CHRM2: variants seen among roughly 807,000 people sequenced by gnomAD.
CHRM2 encodes the protein cholinergic receptor muscarinic 2.
In CHRM2, 8 loss-of-function variants were observed where a neutral mutation model predicts 25.0. That is an observed-to-expected ratio of 0.32 (90% CI 0.19 to 0.58). The LOEUF is 0.58. CHRM2 is among the 20% of genes least tolerant of loss of function. The probability of loss-of-function intolerance (pLI) is 0.88; values close to 1 mark genes in which losing one functional copy is unlikely to be tolerated. For synonymous variants in CHRM2, 202 were observed against 205.7 expected, an observed-to-expected ratio of 0.98 and a Z score of 0.15; for missense variants, 440 against 567.1, an observed-to-expected ratio of 0.78 and a Z score of 2.28.
intron 3 of CHRM2, among the ~76,000 whole-genome samples, chr7:137,002,879 T>TTA (rs1293540471): frequency 2.0e-5 from 3 of 152,154 alleles, no homozygotes; most frequent in African/African-American, 7.2e-5. Flanking sequence ...TAGTGACTGC[T>TTA]TAACAGTCAC....
chr7:136,933,927 A>G (rs554699182), intron 2 of CHRM2, among the ~76,000 whole-genome samples: 1 of 152,296 alleles, frequency 6.6e-6, no homozygotes, highest in East Asian at 1.9e-4. Context: ...AATTGCAAGT[A>G]ACGGCTAATG....
intron 2 of CHRM2, among the ~76,000 whole-genome samples, chr7:136,978,246 A>G (rs1802239181): frequency 6.6e-6 from 1 of 152,212 alleles, no homozygotes; most frequent in Non-Finnish European, 1.5e-5. Context: ...TTTAAAAAGA[A>G]TTATTGGAAT....
At chr7:136,913,933 T>C (rs374502353) in intron 2 of CHRM2, among the ~76,000 whole-genome samples, 3 of 152,112 alleles carry the variant, frequency 2.0e-5, no homozygotes, top group African/African-American at 7.2e-5. Flanking sequence ...TGACAGTACA[T>C]TGTGCCAAGA....
intron 3 of CHRM2, among the ~76,000 whole-genome samples, chr7:137,001,523 A>T (rs1034203802): frequency 1.3e-5 from 2 of 152,152 alleles, no homozygotes; most frequent in Admixed American, 6.5e-5. Context: ...TCCTTGGAAC[A>T]TTTGAGCTAA....
At chr7:137,012,226 G>A (rs972143283) in intron 3 of CHRM2, among the ~76,000 whole-genome samples, 2 of 151,994 alleles carry the variant, frequency 1.3e-5, no homozygotes. Context: ...CAGAGAAAAT[G>A]CTGCTTATAA....
intron 2 of CHRM2, among the ~76,000 whole-genome samples, chr7:136,942,374 C>G (rs1799823920): frequency 6.6e-6 from 1 of 152,146 alleles, no homozygotes; most frequent in Admixed American, 6.5e-5. Context: ...GAAGCTCACC[C>G]TCCTCCTTCC....
At chr7:136,907,189 C>G (rs1363930548) in intron 2 of CHRM2, among the ~76,000 whole-genome samples, 3 of 151,930 alleles carry the variant, frequency 2.0e-5, no homozygotes, top group Non-Finnish European at 4.4e-5. Context: ...TCACCTACTG[C>G]TCTGTGGCCT....
intron 2 of CHRM2, among the ~76,000 whole-genome samples, chr7:136,917,582 A>G (rs1195877561): frequency 6.6e-6 from 1 of 152,032 alleles, no homozygotes. Flanking sequence ...TTTTGCAAGG[A>G]CAGAATGAGG....
At chr7:136,873,455 C>T (rs990490389) in intron 2 of CHRM2, among the ~76,000 whole-genome samples, 1 of 152,146 alleles carries the variant, frequency 6.6e-6, no homozygotes, top group African/African-American at 2.4e-5. Flanking sequence ...GCCAGGCATA[C>T]CTAAGAAACA....
intron 2 of CHRM2, among the ~76,000 whole-genome samples, chr7:136,950,670 GA>G (rs1048209398): frequency 6.6e-6 from 1 of 152,122 alleles, no homozygotes; most frequent in Non-Finnish European, 1.5e-5. Context: ...AAAAGAAAAA[GA>G]AAATAAAAAC....
intron 2 of CHRM2, among the ~76,000 whole-genome samples, chr7:136,978,282 C>T (rs924309207): frequency 5.3e-5 from 8 of 152,130 alleles, no homozygotes; most frequent in Non-Finnish European, 1.0e-4. Context: ...TTTCCATTCA[C>T]GTGCCTAATC....
intron 2 of CHRM2, among the ~76,000 whole-genome samples, chr7:136,904,487 CT>C (rs1301690556): frequency 6.6e-6 from 1 of 151,574 alleles, no homozygotes; most frequent in African/African-American, 2.4e-5. Context: ...TTTATCTTTC[CT>C]TTCTTTTTCC....
chr7:136,955,331 T>C (rs1277330722), intron 2 of CHRM2, among the ~76,000 whole-genome samples: 3 of 152,198 alleles, frequency 2.0e-5, no homozygotes, highest in Non-Finnish European at 4.4e-5. Flanking sequence ...ATGGCACCTT[T>C]AGTACTATTA....
intron 2 of CHRM2, among the ~76,000 whole-genome samples, chr7:136,950,794 G>GTTGTTT (rs1800363706): frequency 6.6e-6 from 1 of 151,692 alleles, no homozygotes; most frequent in Middle Eastern, 3.4e-3. Flanking sequence ...TGTTGTTGTT[G>GTTGTTT]TTGTTGTTGT....
rs1245196845 is a variant in CHRM2, at chr7:137,020,146, G to T, written c.*3880G>T. On this transcript the variant is annotated 3_prime_UTR_variant, in exon 4 of 4. Coordinates refer to ENST00000680005, the MANE Select transcript of CHRM2 (RefSeq NM_001006630.2). ...TGTGCATATTTAATGTATCTTCCTG[G>T]AATATGCTATGTGCTAAATATATAT... The T allele has an allele frequency of 6.7e-6, 1 of 149,440 alleles. No individual in the cohort carries two copies. The highest frequency in any genetic ancestry group is 2.4e-5 in the African/African-American group (1 of 41,204). The allele number at this position is 149,440 out of a possible 1,614,324, so 9.3% of individuals were successfully genotyped here. A position where few individuals can be genotyped will look rare whatever the true frequency, so the allele number is the denominator to read the frequency against.
intron 3 of CHRM2, among the ~76,000 whole-genome samples, chr7:136,993,612 T>A (rs1803377893): frequency 6.6e-6 from 1 of 152,162 alleles, no homozygotes; most frequent in African/African-American, 2.4e-5. Context: ...TCTAGCCCAG[T>A]GGCTTTCTGC....
At position 136,906,195 on chromosome 7, in the gene CHRM2, G is replaced by GTA. The variant is rs113433622; in HGVS notation, c.-125+36788_-125+36789dup. Among the ~76,000 whole-genome samples the GTA allele has an allele frequency of 9.1e-3, 1,350 of 148,960 alleles. 13 individuals are homozygous for GTA. The highest frequency in any genetic ancestry group is 0.027 in the African/African-American group (1,089 of 40,656). ...TCACATATGGTTTGTATGTATATAC[G>GTA]TATATATATATACGCACACATATAT... On this transcript the variant is annotated intron_variant, in intron 2 of 3. Coordinates refer to ENST00000680005, the MANE Select transcript of CHRM2 (RefSeq NM_001006630.2).
chr7:136,938,667 G>A lies in CHRM2; in HGVS notation c.-124-53520G>A, dbSNP rs1799565210. ...GCACAGGGCCCACTCGTGCAGGAGC[G>A]GCTGCTGAAGGCCCAGGGGCCAGAG... On this transcript the variant is annotated intron_variant, in intron 2 of 3. Coordinates refer to ENST00000680005, the MANE Select transcript of CHRM2 (RefSeq NM_001006630.2). 5.0e-6 allele frequency: 4 copies of A among 794,712 alleles called. 1 individual carries two copies. The highest frequency in any genetic ancestry group is 2.8e-5 in the South Asian group (2 of 71,666). The allele number at this position is 794,712 out of a possible 1,614,324, so 49.2% of individuals were successfully genotyped here.
intron 2 of CHRM2, among the ~76,000 whole-genome samples, chr7:136,947,197 G>T (rs1046224640): frequency 6.6e-6 from 1 of 152,026 alleles, no homozygotes; most frequent in Admixed American, 6.6e-5. Flanking sequence ...AGCTGTCGTG[G>T]TTTTTTTGTT....
Sources: allele counts gnomAD v4.1 joint callset (sites outside exome capture counted in the v4.1 genomes callset), GRCh38; gene constraint gnomAD v4.1.1; transcripts MANE v1.5; gene names NCBI Gene and HGNC (gene_info 2026-07-23, HGNC 2026-07-21).